The following PLPP2 variants were observed in gnomAD, a reference collection of about 807,000 sequenced individuals.
PLPP2 encodes the protein PAP2-gamma.
Under a neutral mutation model 35.2 loss-of-function variants are expected in PLPP2, and 29 were observed. That is an observed-to-expected ratio of 0.82 (90% confidence interval 0.61 to 1.12). The LOEUF is 1.12. Ranked by LOEUF, PLPP2 falls within the 50% of genes most tolerant of loss-of-function variation. PLPP2 has a pLI of 0.00. For synonymous variants in PLPP2, 162 were observed against 167.0 expected (o/e 0.97, Z 0.23); for missense variants, 353 against 375.2 (o/e 0.94, Z 0.49).
intron 1 of PLPP2, among the ~76,000 whole-genome samples, chr19:289,464 T>TGTAATCC: frequency 6.6e-6 from 1 of 151,476 alleles, no homozygotes; most frequent in African/African-American, 2.4e-5. Context: ...GCGTGGTGGC[T>TGTAATCC]CAGCACTTTG....
At position 288,269 on chromosome 19, in the gene PLPP2, A is replaced by G. The variant is rs546126759; in HGVS notation, c.53-98T>C. The G allele has an allele frequency of 7.1e-6, 9 of 1,266,922 alleles. No individual in the cohort carries two copies. In the East Asian group the frequency reaches 1.9e-4, roughly 27 times the overall value. 78.5% of individuals were successfully genotyped at this position (1,266,922 alleles called of 1,614,324 possible). On this transcript the variant is annotated intron_variant, in intron 1 of 5. Coordinates refer to ENST00000434325, the MANE Select transcript of PLPP2 (RefSeq NM_003712.4). ...CTTGGCCTGGAGGCCTCCCACCTCT[A>G]CTCTCACCAGACAGCAAGGAAGAGC... is the stretch of plus-strand genomic sequence containing the variant.
rs757827917 is a variant in PLPP2, at chr19:287,510, A to G, written c.446T>C (p.Val149Ala). The G allele has an allele frequency of 6.2e-7, 1 of 1,613,340 alleles. No homozygotes were observed. The highest frequency in any genetic ancestry group is 8.5e-7 in the Non-Finnish European group (1 of 1,179,778). Reference protein sequence around the residue: ...NCSVYVQLEKVCRGNPADVTE... With the variant: ...NCSVYVQLEKACRGNPADVTE... Reference sequence around the variant, plus strand: ...GACATCAGCAGGGTTTCCCCTGCACACCTTCTCCAGCTGCACATAGACCGA... The same window carrying G: ...GACATCAGCAGGGTTTCCCCTGCACGCCTTCTCCAGCTGCACATAGACCGA... The change falls in exon 3 of 6, where the codon GTG becomes GCG. Residue 149 changes from valine (V) to alanine (A), a missense_variant. Coordinates refer to ENST00000434325, the MANE Select transcript of PLPP2 (RefSeq NM_003712.4). The surrounding 1 kb of genome is among the most constrained non-coding windows in gnomAD (Gnocchi z 4.3).
Position 291,320 on chromosome 19 carries a change from A to G in PLPP2, c.17T>C (p.Val6Ala), listed in dbSNP as rs1179503979. The G allele has an allele frequency of 1.3e-6, 2 of 1,593,890 alleles. No individual in the cohort carries two copies. The highest frequency in any genetic ancestry group is 3.4e-5 in the Admixed American group (2 of 58,434). MQRRW[V>A]FVLLDVLCLL... The stretch of plus-strand genomic sequence containing the variant: ...GCACAGCACGTCGAGCAGCACGAAG[A>G]CCCACCTCCGCTGCATGGTCCCCGC... The change falls in exon 1 of 6, where the codon GTC becomes GCC. Residue 6 changes from valine to alanine, a missense_variant. Transcript: ENST00000434325.
In PLPP2 at chr19:290,979, GGC is replaced by G. The variant is rs753002837; in HGVS notation, c.52+304_52+305del. 41 of 1,248,926 alleles carry G rather than the reference GGC, an allele frequency of 3.3e-5. No homozygotes were observed. The South Asian group carries it at 3.5e-4, about 11-fold the overall frequency. 77.4% of individuals were successfully genotyped at this position (1,248,926 alleles called of 1,614,324 possible). Reference sequence around the variant, plus strand: ...CCCAGGCCAGGCGGGGCGGGATGGAGGCGCGCGCGCGGCCCCTCCGCACAGAC... The same window carrying G: ...CCCAGGCCAGGCGGGGCGGGATGGAGGCGCGCGCGGCCCCTCCGCACAGAC... On this transcript the variant is annotated intron_variant, in intron 1 of 5. Transcript: ENST00000434325.
chr19:282,407 CCCTCCCCCTG>C, intron 4 of PLPP2, 97 bp from the exon 5 acceptor site: 1 of 747,984 alleles, frequency 1.3e-6, no homozygotes, highest in Non-Finnish European at 2.2e-6. Context: ...CAGGCGCTCC[CCCTCCCCCTG>C]CACAGACGTG....
intron 3 of PLPP2, chr19:284,431 A>AT (rs1322230578): frequency 6.6e-6 from 1 of 151,996 alleles, no homozygotes; most frequent in East Asian, 1.9e-4. Context: ...AATAATAGAA[A>AT]TTGTCCCTCA....
At chr19:282,637 GC>G (rs908650573) in intron 4 of PLPP2, 114 bp downstream of exon 4, 97 of 1,128,374 alleles carry the variant, frequency 8.6e-5, no homozygotes, top group Non-Finnish European at 1.2e-4. Flanking sequence ...AAATCAGTTA[GC>G]CCCCCTCACC....
intron 3 of PLPP2, chr19:283,024 G>C: frequency 1.8e-6 from 1 of 570,000 alleles, no homozygotes. Context: ...TGCCTCATCC[G>C]TGAAGACTCT....
chr19:286,132 C>A (rs1970268018), intron 3 of PLPP2: 1 of 149,772 alleles, frequency 6.7e-6, no homozygotes, highest in Non-Finnish European at 1.5e-5. Flanking sequence ...GCACTCCAGC[C>A]TGGGCCCAGA....
At chr19:282,608 GCCT>G in intron 4 of PLPP2, 141 bp downstream of exon 4, 1 of 942,334 alleles carries the variant, frequency 1.1e-6, no homozygotes, top group Non-Finnish European at 1.6e-6. Flanking sequence ...TCAGCCCAGG[GCCT>G]CCCGTTTTTA....
intron 3 of PLPP2, 41 bp from the exon 4 acceptor site, chr19:282,850 C>T (rs1311527851): frequency 6.3e-7 from 1 of 1,582,166 alleles, no homozygotes; most frequent in South Asian, 1.1e-5. Flanking sequence ...TCAGCGCCTT[C>T]CAACCTCCCC....
chr19:282,278 C>T lies in PLPP2; in HGVS notation c.573G>A (p.Trp191Ter). The T allele has an allele frequency of 6.2e-7, 1 of 1,613,802 alleles. No individual in the cohort carries two copies. The highest frequency in any genetic ancestry group is 1.3e-5 in the African/African-American group (1 of 74,962). The change falls in exon 5 of 6, where the codon TGG becomes TGA. Residue 191 changes from tryptophan (W) to a stop codon, truncating the protein, a stop_gained. Coordinates refer to ENST00000434325, the MANE Select transcript of PLPP2 (RefSeq NM_003712.4). LOFTEE classifies it high-confidence loss of function. Reference protein sequence around the residue: ...LYVQARLCWKWARLLRPTVQF... With the variant: ...LYVQARLCWK ...GGACTGTGGGTCGCAGCAGCCGTGC[C>T]CACTTCCAACAGAGTCGTGCCTGCA...
chr19:284,002 C>T (rs915158879), intron 3 of PLPP2: 9 of 152,140 alleles, frequency 5.9e-5, no homozygotes, highest in African/African-American at 1.4e-4. Flanking sequence ...CGGGAGAGGG[C>T]GTAGGATCAT....
intron 5 of PLPP2, among the ~76,000 whole-genome samples, 183 bp from the exon 6 acceptor site, chr19:281,720 G>T (rs73496480): frequency 6.6e-6 from 1 of 151,086 alleles, no homozygotes; most frequent in South Asian, 2.1e-4. Context: ...GGGGAGCACT[G>T]AGGAGCTGAC....
chr19:291,149 G>C (rs1354654947), intron 1 of PLPP2, 136 bp downstream of exon 1: 1 of 1,456,520 alleles, frequency 6.9e-7, no homozygotes. Flanking sequence ...TGGTCCTCAC[G>C]CGAGGTCCCC....
At chr19:289,750 C>T (rs117461392) in intron 1 of PLPP2, among the ~76,000 whole-genome samples, 2 of 151,968 alleles carry the variant, frequency 1.3e-5, no homozygotes, top group East Asian at 1.9e-4. Context: ...CAGGGCAGGA[C>T]GGCGGAGAGG....
intron 3 of PLPP2, chr19:284,742 G>A (rs1017381152): frequency 6.6e-6 from 1 of 152,224 alleles, no homozygotes. Flanking sequence ...TAAAGATTTG[G>A]TTATCTGAAA....
chr19:287,380 G>A lies in PLPP2; in HGVS notation c.482+94C>T. On this transcript the variant is annotated intron_variant, in intron 3 of 5. Coordinates refer to ENST00000434325, the MANE Select transcript of PLPP2 (RefSeq NM_003712.4). The surrounding 1 kb of genome is among the most constrained non-coding windows in gnomAD (Gnocchi z 4.3). ...CCGGGCGTGGTGGCGCACGCCTGTA[G>A]TCTCAGCTGCCTGCTGGCTCTTCAT... is the stretch of plus-strand genomic sequence containing the variant. 6.7e-7 allele frequency: 1 copy of A among 1,499,662 alleles called. No individual in the cohort carries two copies. Among genetic ancestry groups the A allele is most frequent in the Non-Finnish European group, 8.9e-7 (1 of 1,117,584 alleles). 92.9% of individuals were successfully genotyped at this position (1,499,662 alleles called of 1,614,324 possible).
rs1970285941 is a variant in PLPP2 at position 287,343 on chromosome 19, T to C, written c.482+131A>G. Reference sequence around the variant, plus strand: ...AAACATACAAGAATGCACTAACTTATACAAAAATTAGCCGGGCGTGGTGGC... The same window carrying C: ...AAACATACAAGAATGCACTAACTTACACAAAAATTAGCCGGGCGTGGTGGC... On this transcript the variant is annotated intron_variant, in intron 3 of 5. Transcript: ENST00000434325. The surrounding 1 kb of genome is among the most constrained non-coding windows in gnomAD (Gnocchi z 4.3). 4 of 1,148,586 alleles carry C rather than the reference T, an allele frequency of 3.5e-6. No individual in the cohort carries two copies. Among genetic ancestry groups the C allele is most frequent in the East Asian group, 2.4e-5 (1 of 42,090 alleles). 71.1% of individuals were successfully genotyped at this position (1,148,586 alleles called of 1,614,324 possible). A position where few individuals can be genotyped will look rare whatever the true frequency, so the allele number is the denominator to read the frequency against.
Sources: allele counts gnomAD v4.1 joint callset (sites outside exome capture counted in the v4.1 genomes callset), GRCh38; gene constraint gnomAD v4.1.1; non-coding constraint Gnocchi (gnomAD v3.1); transcripts MANE v1.5; gene names NCBI Gene and HGNC (gene_info 2026-07-23, HGNC 2026-07-21).